Variants in PREPL observed in about 807,000 individuals in gnomAD.
PREPL encodes prolyl endopeptidase-like.
In PREPL, 77 loss-of-function variants were observed where a neutral mutation model predicts 70.6. The ratio of observed to expected loss-of-function variants is 1.09; its 90% CI spans 0.91 to 1.32. The LOEUF is 1.32. Ranked by LOEUF, PREPL falls within the 40% of genes most tolerant of loss-of-function variation. PREPL has a pLI of 0.00. For synonymous variants in PREPL, 315 were observed against 264.8 expected (o/e 1.19, Z -1.84); for missense variants, 1,002 against 778.2 (o/e 1.29, Z -3.42).
At position 44,321,170 on chromosome 2, in the gene PREPL, C is replaced by T. The variant is rs890823011; in HGVS notation, c.*186G>A. ...ACTTTCCTAGGTTAATGGGCATGTG[C>T]ATCAATGGAGAGAATAGTATAAGCA... On this transcript the variant is annotated 3_prime_UTR_variant, in exon 14 of 14. Transcript: ENST00000409411. 3 of 581,740 alleles carry T rather than the reference C, an allele frequency of 5.2e-6. No individual in the cohort carries two copies. In the South Asian group the frequency reaches 6.9e-5, roughly 13 times the overall value. The allele number at this position is 581,740 out of a possible 1,614,324, so 36.0% of individuals were successfully genotyped here.
At chr2:44,324,866 G>A (rs993306108) in intron 10 of PREPL, among the ~76,000 whole-genome samples, 1 of 152,022 alleles carries the variant, frequency 6.6e-6, no homozygotes, top group Non-Finnish European at 1.5e-5. Context: ...TCCAGCCTGG[G>A]TGAAAGAGCA....
At position 44,321,835 on chromosome 2, in the gene PREPL, G is replaced by A. The variant is rs1672987934; in HGVS notation, c.1819C>T (p.His607Tyr). 6.2e-7 allele frequency: 1 copy of A among 1,613,708 alleles called. No homozygotes were observed. Among genetic ancestry groups the A allele is most frequent in the Non-Finnish European group, 8.5e-7 (1 of 1,179,722 alleles). The change falls in exon 13 of 14, where the codon CAC becomes TAC. Residue 607 changes from histidine to tyrosine, a missense_variant. His to Tyr is a moderately conservative substitution (Grantham distance 83). Transcript: ENST00000409411. ...GGGCCTTGATAACATACCTTTTTGT[G>A]AGAATCCTCAATTACATGATTGCCT... ...PGGNHVIEDS[H>Y]KKITAQIKFL...
At chr2:44,344,053 G>A in intron 3 of PREPL, 102 bp from the exon 4 acceptor site, 2 of 1,346,898 alleles carry the variant, frequency 1.5e-6, no homozygotes, top group Non-Finnish European at 2.0e-6. Context: ...TTCTGTAAGA[G>A]GCCATATCCT....
At chr2:44,353,321 T>C (rs1332050988) in intron 1 of PREPL, among the ~76,000 whole-genome samples, 2 of 152,070 alleles carry the variant, frequency 1.3e-5, no homozygotes, top group Non-Finnish European at 2.9e-5. Context: ...CAGTGGCTCA[T>C]GCCTGTAATC....
At chr2:44,338,622 A>G (rs1308189621) in intron 6 of PREPL, 86 bp from the exon 7 acceptor site, 7 of 1,056,016 alleles carry the variant, frequency 6.6e-6, no homozygotes, top group Non-Finnish European at 8.2e-6. Context: ...GAACTAGACC[A>G]TACTAGTCCT....
intron 6 of PREPL, 130 bp downstream of exon 6, chr2:44,339,017 T>C (rs1558502403): frequency 2.8e-6 from 4 of 1,403,780 alleles, no homozygotes; most frequent in East Asian, 2.5e-5. Flanking sequence ...GGAAAAGAAA[T>C]GGGATTGGTT....
chr2:44,352,536 G>A (rs1676558110), intron 1 of PREPL, among the ~76,000 whole-genome samples: 1 of 152,044 alleles, frequency 6.6e-6, no homozygotes, highest in South Asian at 2.1e-4. Flanking sequence ...TATATTACAG[G>A]CATGACCCAT....
At chr2:44,335,177 A>G (rs548932488) in intron 7 of PREPL, among the ~76,000 whole-genome samples, 1 of 152,342 alleles carries the variant, frequency 6.6e-6, no homozygotes, top group African/African-American at 2.4e-5. Context: ...GAGATAGAAG[A>G]TACAGAATAA....
chr2:44,345,064 T>A (rs1340553712), intron 2 of PREPL, among the ~76,000 whole-genome samples: 1 of 152,146 alleles, frequency 6.6e-6, no homozygotes, highest in African/African-American at 2.4e-5. Context: ...CTATACACAG[T>A]CTTGACTTAA....
At chr2:44,354,140 A>C (rs1676753993) in intron 1 of PREPL, among the ~76,000 whole-genome samples, 1 of 152,158 alleles carries the variant, frequency 6.6e-6, no homozygotes, top group Non-Finnish European at 1.5e-5. Flanking sequence ...TGAGCAACAG[A>C]GTGAGGCCCT....
At chr2:44,322,339 G>T (rs1673055429) in intron 12 of PREPL, among the ~76,000 whole-genome samples, 1 of 152,176 alleles carries the variant, frequency 6.6e-6, no homozygotes, top group African/African-American at 2.4e-5. Flanking sequence ...AATTCATGCA[G>T]CTAAACAGTT....
rs74320826 is a variant in PREPL at position 44,331,658 on chromosome 2, T to C, written c.1086+801A>G. Among the ~76,000 whole-genome samples the C allele has an allele frequency of 1.3e-3, 192 of 152,302 alleles. 1 individual carries two copies. In the East Asian group the frequency reaches 0.032, roughly 25 times the overall value. ...TTGGAGAAAACTTCCCTGATCTCTC[T>C]AGACTAGGTAAAATCCCTTTGCTCT... On this transcript the variant is annotated intron_variant, in intron 8 of 13. Transcript: ENST00000409411.
chr2:44,338,742 C>G (rs1674898500), intron 6 of PREPL, among the ~76,000 whole-genome samples: 1 of 152,094 alleles, frequency 6.6e-6, no homozygotes, highest in South Asian at 2.1e-4. Context: ...GACAGTATAT[C>G]CAGTGCTTAG....
At chr2:44,359,483 T>G (rs1274270714) in intron 1 of PREPL, 1 of 1,568,082 alleles carries the variant, frequency 6.4e-7, no homozygotes, top group East Asian at 2.2e-5. Flanking sequence ...TAGGTTAACT[T>G]AAACAGTCCA....
intron 1 of PREPL, chr2:44,359,550 G>T (rs762603866): frequency 5.0e-6 from 8 of 1,613,438 alleles, no homozygotes; most frequent in Non-Finnish European, 4.2e-6. Context: ...GATATCTTGG[G>T]TTTATTCTGA....
At chr2:44,335,736 C>A (rs979479704) in intron 7 of PREPL, among the ~76,000 whole-genome samples, 3 of 150,948 alleles carry the variant, frequency 2.0e-5, no homozygotes, top group African/African-American at 7.3e-5. Flanking sequence ...AATAAACTAT[C>A]AACAGAGTAA....
At chr2:44,357,981 A>G (rs1677229636) in intron 1 of PREPL, among the ~76,000 whole-genome samples, 1 of 152,224 alleles carries the variant, frequency 6.6e-6, no homozygotes, top group African/African-American at 2.4e-5. Context: ...ATAAACAGTA[A>G]AAGTCTAGGA....
chr2:44,336,083 G>T (rs931447789), intron 7 of PREPL, among the ~76,000 whole-genome samples: 1 of 152,106 alleles, frequency 6.6e-6, no homozygotes, highest in African/African-American at 2.4e-5. Context: ...TAGAAAAAAG[G>T]GAAAGCTTAT....
intron 3 of PREPL, 125 bp downstream of exon 3, chr2:44,344,395 T>TAA: frequency 2.7e-6 from 2 of 752,310 alleles, no homozygotes; most frequent in Admixed American, 3.4e-5. Flanking sequence ...AACTAGTCAT[T>TAA]AAAAAAAAAT....
Sources: allele counts gnomAD v4.1 joint callset (sites outside exome capture counted in the v4.1 genomes callset), GRCh38; gene constraint gnomAD v4.1.1; transcripts MANE v1.5; gene names NCBI Gene and HGNC (gene_info 2026-07-23, HGNC 2026-07-21).